RORA: variants seen among roughly 807,000 people sequenced by gnomAD.
The protein encoded by RORA is nuclear receptor ROR-alpha.
A neutral mutation model predicts 69.5 loss-of-function variants in RORA; 7 were observed. That is an observed-to-expected ratio of 0.10 (90% CI 0.06 to 0.19). RORA has a LOEUF of 0.19. RORA is among the 10% of genes least tolerant of loss of function. The pLI is 1.00. For synonymous variants in RORA, 261 were observed against 240.8 expected (o/e 1.08, Z -0.78); for missense variants, 457 against 663.0 (o/e 0.69, Z 3.41).
chr15:60,808,281 T>C (rs1352768528), intron 1 of RORA, among the ~76,000 whole-genome samples: 5 of 152,034 alleles, frequency 3.3e-5, no homozygotes, highest in Non-Finnish European at 7.4e-5. Flanking sequence ...CAAAAGAAGA[T>C]ACACAAATGG....
At position 60,761,695 on chromosome 15, in the gene RORA, T is replaced by C. The variant is rs184797075; in HGVS notation, c.167-83009A>G. Among the ~76,000 whole-genome samples, 133 of 152,328 alleles carry C rather than the reference T, an allele frequency of 8.7e-4. 3 individuals are homozygous for C. In the East Asian group the frequency reaches 0.021, roughly 25 times the overall value. On this transcript the variant is annotated intron_variant, in intron 1 of 10. Coordinates refer to ENST00000335670, the MANE Select transcript of RORA (RefSeq NM_134261.3). Reference sequence around the variant, plus strand: ...TGAGCCATTTCTGGGGGTAGACTTCTGTCCTGTCCTTCTCCCCTAACCATT... The same window carrying C: ...TGAGCCATTTCTGGGGGTAGACTTCCGTCCTGTCCTTCTCCCCTAACCATT...
intron 2 of RORA, among the ~76,000 whole-genome samples, chr15:60,603,436 AATAT>A (rs1340029270): frequency 3.3e-5 from 5 of 152,162 alleles, no homozygotes; most frequent in Non-Finnish European, 7.4e-5. Context: ...GGTGTTGTTG[AATAT>A]TTATCCATTC....
At chr15:60,774,684 T>A (rs747014455) in intron 1 of RORA, among the ~76,000 whole-genome samples, 1 of 152,190 alleles carries the variant, frequency 6.6e-6, no homozygotes, top group Non-Finnish European at 1.5e-5. Context: ...ACTCATGAGA[T>A]ACACCACATT....
chr15:60,962,956 G>A (rs908447535), intron 1 of RORA, among the ~76,000 whole-genome samples: 3 of 152,104 alleles, frequency 2.0e-5, no homozygotes, highest in African/African-American at 7.2e-5. Flanking sequence ...AAATAGGTAG[G>A]GTTTTAAAAG....
chr15:61,200,970 G>A (rs2079890864), intron 1 of RORA, among the ~76,000 whole-genome samples: 1 of 152,214 alleles, frequency 6.6e-6, no homozygotes, highest in South Asian at 2.1e-4. Flanking sequence ...AAGCCGACTT[G>A]TTTTAACAAA....
At chr15:60,639,003 A>T (rs2069889740) in intron 2 of RORA, among the ~76,000 whole-genome samples, 1 of 152,082 alleles carries the variant, frequency 6.6e-6, no homozygotes, top group Admixed American at 6.5e-5. Context: ...CACGGGCAAT[A>T]TACTATATCT....
Position 60,585,323 on chromosome 15 carries a change from C to T in RORA, c.197-53472G>A, listed in dbSNP as rs370688822. 2.0e-4 allele frequency among the ~76,000 whole-genome samples: 30 copies of T among 152,260 alleles called. No homozygotes were observed. In the East Asian group the frequency reaches 3.1e-3, roughly 16 times the overall value. On this transcript the variant is annotated intron_variant, in intron 2 of 10. Coordinates refer to ENST00000335670, the MANE Select transcript of RORA (RefSeq NM_134261.3). ...AAAAAATATGCAAATGAATGCTTGTCGCTACCTCATGCAGAGTTTCTGACA... is the reference window on the plus strand; with the variant it reads ...AAAAAATATGCAAATGAATGCTTGTTGCTACCTCATGCAGAGTTTCTGACA...
At position 61,061,023 on chromosome 15, in the gene RORA, G is replaced by C. The variant is rs982344151; in HGVS notation, c.166+168030C>G. On this transcript the variant is annotated intron_variant, in intron 1 of 10. Coordinates refer to ENST00000335670, the MANE Select transcript of RORA (RefSeq NM_134261.3). This position sits in a 1 kb window ranked among gnomAD's most constrained non-coding sequence, Gnocchi z 4.4. The stretch of plus-strand genomic sequence containing the variant: ...CTCAAAGTCCTCACGGCTGAAGAAG[G>C]AGCTGCTGTTCTTCCTCCCTGGAAT... 6.6e-6 allele frequency among the ~76,000 whole-genome samples: 1 copy of C among 152,182 alleles called. No homozygotes were observed. Among genetic ancestry groups the C allele is most frequent in the Non-Finnish European group, 1.5e-5 (1 of 68,024 alleles).
intron 2 of RORA, among the ~76,000 whole-genome samples, chr15:60,538,861 C>A (rs2066763736): frequency 6.6e-6 from 1 of 151,834 alleles, no homozygotes; most frequent in African/African-American, 2.4e-5. Context: ...CAAATTATAG[C>A]CATTAAAAAA....
chr15:61,108,636 T>C (rs2078973927), intron 1 of RORA, among the ~76,000 whole-genome samples: 1 of 152,176 alleles, frequency 6.6e-6, no homozygotes, highest in Admixed American at 6.5e-5. Context: ...TACTAAACCA[T>C]TACCACTAAA....
chr15:60,706,665 G>A (rs186386034), intron 1 of RORA, among the ~76,000 whole-genome samples: 4 of 152,124 alleles, frequency 2.6e-5, no homozygotes, highest in African/African-American at 9.7e-5. Context: ...GCTTCCCATT[G>A]TCACAAATCC....
intron 1 of RORA, among the ~76,000 whole-genome samples, chr15:60,777,339 A>C (rs2072184312): frequency 6.6e-6 from 1 of 152,198 alleles, no homozygotes; most frequent in Non-Finnish European, 1.5e-5. Flanking sequence ...TGGAAAATTG[A>C]TAGCCTAGAT....
intron 1 of RORA, among the ~76,000 whole-genome samples, chr15:60,697,826 C>G (rs1247868102): frequency 6.6e-6 from 1 of 152,164 alleles, no homozygotes; most frequent in East Asian, 1.9e-4. Context: ...AAGGGGGTCT[C>G]CATTCATATT....
At chr15:60,788,233 C>T (rs1019017429) in intron 1 of RORA, among the ~76,000 whole-genome samples, 1 of 152,206 alleles carries the variant, frequency 6.6e-6, no homozygotes, top group African/African-American at 2.4e-5. Flanking sequence ...TTATGAAGAA[C>T]ATGTTGTTGC....
At chr15:61,039,655 G>A (rs1016867363) in intron 1 of RORA, among the ~76,000 whole-genome samples, 3 of 148,586 alleles carry the variant, frequency 2.0e-5, no homozygotes, top group Admixed American at 1.4e-4. Flanking sequence ...TGAGGCAGGC[G>A]AATCACTTGA....
At chr15:61,081,572 C>T (rs1449865675) in intron 1 of RORA, among the ~76,000 whole-genome samples, 1 of 152,062 alleles carries the variant, frequency 6.6e-6, no homozygotes, top group African/African-American at 2.4e-5. Context: ...CTTTGGGAGG[C>T]CGACGTGGGT....
At chr15:60,865,150 A>G (rs2073474006) in intron 1 of RORA, among the ~76,000 whole-genome samples, 1 of 152,206 alleles carries the variant, frequency 6.6e-6, no homozygotes, top group Admixed American at 6.5e-5. Flanking sequence ...AGAAAGAGAA[A>G]GATGTTTGAT....
At chr15:60,558,191 G>C in intron 2 of RORA, 1 of 1,467,190 alleles carries the variant, frequency 6.8e-7, no homozygotes, top group Non-Finnish European at 9.5e-7. Flanking sequence ...TCTCTGGATG[G>C]AGGACAGGTC....
chr15:61,121,299 G>A (rs1231987630), intron 1 of RORA, among the ~76,000 whole-genome samples: 5 of 152,196 alleles, frequency 3.3e-5, no homozygotes, highest in East Asian at 3.8e-4. Flanking sequence ...CTGGGTGGCT[G>A]TCTGCAGTGG....
Sources: allele counts gnomAD v4.1 joint callset (sites outside exome capture counted in the v4.1 genomes callset), GRCh38; gene constraint gnomAD v4.1.1; non-coding constraint Gnocchi (gnomAD v3.1); transcripts MANE v1.5; gene names NCBI Gene and HGNC (gene_info 2026-07-23, HGNC 2026-07-21).